HELZ: variants seen among roughly 807,000 people sequenced by gnomAD.
HELZ encodes ATP-dependent RNA helicase with zinc finger domain.
In HELZ, 23 loss-of-function variants were observed where a neutral mutation model predicts 218.2. The ratio of observed to expected loss-of-function variants is 0.11; its 90% CI spans 0.08 to 0.15. The LOEUF is 0.15. Among genes scored for constraint, HELZ ranks in the 10% least tolerant of loss-of-function variants. The pLI, the probability that HELZ is intolerant of heterozygous loss-of-function variation, is 1.00. For missense variants in HELZ, 1,813 were observed against 2,353.7 expected, an observed-to-expected ratio of 0.77 and a Z score of 4.75; for synonymous variants, 814 against 829.4, an observed-to-expected ratio of 0.98 and a Z score of 0.32.
intron 5 of HELZ, among the ~76,000 whole-genome samples, chr17:67,209,599 A>G (rs1478512585): frequency 6.6e-6 from 1 of 152,102 alleles, no homozygotes; most frequent in Non-Finnish European, 1.5e-5. Flanking sequence ...CTCTGTCTCA[A>G]AAACAAAACA....
chr17:67,189,513 CAG>C (rs1278712570), intron 11 of HELZ, 74 bp downstream of exon 11: 3 of 843,982 alleles, frequency 3.6e-6, no homozygotes, highest in Non-Finnish European at 4.1e-6. Flanking sequence ...TTCTTTAACA[CAG>C]AGATTCAAAG....
At chr17:67,233,058 T>C (rs1417048471) in intron 3 of HELZ, among the ~76,000 whole-genome samples, 3 of 152,164 alleles carry the variant, frequency 2.0e-5, no homozygotes, top group Admixed American at 6.5e-5. Context: ...TGCTCGAACC[T>C]GGGAGGCAGA....
intron 2 of HELZ, among the ~76,000 whole-genome samples, chr17:67,242,412 C>CA (rs57142727): frequency 0.24 from 22,181 of 92,408 alleles, 4,964 homozygotes; most frequent in East Asian, 0.61. Context: ...AACTCTGTCT[C>CA]AAAAAAAAAA....
At chr17:67,139,478 C>T (rs902045723) in intron 21 of HELZ, among the ~76,000 whole-genome samples, 29 of 152,150 alleles carry the variant, frequency 1.9e-4, no homozygotes, top group Admixed American at 2.6e-4. Flanking sequence ...CTCTAAGCAA[C>T]ACACAACCAT....
chr17:67,196,414 C>T (rs548169326), intron 7 of HELZ, among the ~76,000 whole-genome samples: 8 of 152,232 alleles, frequency 5.3e-5, no homozygotes, highest in South Asian at 2.1e-4. Flanking sequence ...ATTTTACATG[C>T]TAGATCGTTA....
At chr17:67,081,796 A>G (rs2036197278) in intron 32 of HELZ, among the ~76,000 whole-genome samples, 1 of 152,130 alleles carries the variant, frequency 6.6e-6, no homozygotes, top group Non-Finnish European at 1.5e-5. Context: ...CTGTATGTGT[A>G]TGTGGGGCGG....
At chr17:67,230,272 A>G (rs183932539) in intron 3 of HELZ, among the ~76,000 whole-genome samples, 1 of 152,290 alleles carries the variant, frequency 6.6e-6, no homozygotes, top group East Asian at 1.9e-4. Context: ...TATTAATTTA[A>G]AAGATATGAA....
rs1308988094 is a variant in HELZ, at chr17:67,076,181, G to C, written c.*2071C>G. ...CGTTGTAGTCCTGTATATGGGGGCT[G>C]GGGGGTGGATAATCACTGATGGGAA... On this transcript the variant is annotated 3_prime_UTR_variant, in exon 33 of 33. Coordinates refer to ENST00000358691, the MANE Select transcript of HELZ (RefSeq NM_014877.4). 2 of 152,238 alleles carry C rather than the reference G, an allele frequency of 1.3e-5. No individual in the cohort carries two copies. Among genetic ancestry groups the C allele is most frequent in the Non-Finnish European group, 2.9e-5 (2 of 68,058 alleles). 9.4% of individuals were successfully genotyped at this position (152,238 alleles called of 1,614,324 possible). A position where few individuals can be genotyped will look rare whatever the true frequency, so the allele number is the denominator to read the frequency against.
intron 20 of HELZ, among the ~76,000 whole-genome samples, chr17:67,147,888 T>C (rs1317820957): frequency 2.0e-5 from 3 of 152,258 alleles, no homozygotes; most frequent in Non-Finnish European, 2.9e-5. Context: ...GTGGAGGTTC[T>C]GGATGGTGGC....
At chr17:67,212,380 G>A (rs1162689420) in intron 5 of HELZ, among the ~76,000 whole-genome samples, 1 of 133,682 alleles carries the variant, frequency 7.5e-6, no homozygotes, top group Admixed American at 8.1e-5. Flanking sequence ...TCCACGGTCT[G>A]GAGTGCTTAA....
At chr17:67,200,828 C>T (rs767547878) in intron 7 of HELZ, 5 of 311,846 alleles carry the variant, frequency 1.6e-5, no homozygotes, top group African/African-American at 2.1e-5. Flanking sequence ...TAGTTAAAAA[C>T]TAAAATTTCC....
intron 27 of HELZ, among the ~76,000 whole-genome samples, chr17:67,115,991 T>A (rs7350887): frequency 0.59 from 90,303 of 151,952 alleles, 28,029 homozygotes; most frequent in East Asian, 0.88. Context: ...GATTTGTAAC[T>A]TATGTAAAAG....
intron 7 of HELZ, among the ~76,000 whole-genome samples, chr17:67,195,939 C>A (rs1212828334): frequency 6.7e-6 from 1 of 150,316 alleles, no homozygotes; most frequent in African/African-American, 2.5e-5. Flanking sequence ...GCAACCTCCA[C>A]CCCCCGGGTT....
chr17:67,121,886 G>A (rs2037621020), intron 26 of HELZ, among the ~76,000 whole-genome samples: 1 of 152,146 alleles, frequency 6.6e-6, no homozygotes, highest in Non-Finnish European at 1.5e-5. Flanking sequence ...CCAAGCCTGT[G>A]TCCTGTATTT....
chr17:67,163,118 A>G (rs964911794), intron 15 of HELZ, among the ~76,000 whole-genome samples: 5 of 152,240 alleles, frequency 3.3e-5, no homozygotes, highest in Non-Finnish European at 5.9e-5. Flanking sequence ...AGATCAAGTG[A>G]GATAATACAT....
chr17:67,099,352 T>C (rs1274509222), intron 31 of HELZ, among the ~76,000 whole-genome samples: 1 of 151,672 alleles, frequency 6.6e-6, no homozygotes, highest in Non-Finnish European at 1.5e-5. Context: ...ATTAATGTTG[T>C]TTAAAGGCTC....
intron 26 of HELZ, among the ~76,000 whole-genome samples, chr17:67,122,683 A>T (rs754643047): frequency 6.6e-6 from 1 of 152,100 alleles, no homozygotes; most frequent in African/African-American, 2.4e-5. Context: ...ACTCCAGCCT[A>T]GGCAACAAGA....
chr17:67,225,042 G>A, intron 3 of HELZ: 1 of 634,338 alleles, frequency 1.6e-6, no homozygotes, highest in South Asian at 1.5e-5. Flanking sequence ...CCAGTTCTAT[G>A]TGTCATCTTT....
At chr17:67,210,390 C>T (rs901478491) in intron 5 of HELZ, among the ~76,000 whole-genome samples, 6 of 152,166 alleles carry the variant, frequency 3.9e-5, no homozygotes, top group African/African-American at 1.2e-4. Context: ...CTTCACAGGC[C>T]AAGTCTCACA....
Sources: allele counts gnomAD v4.1 joint callset (sites outside exome capture counted in the v4.1 genomes callset), GRCh38; gene constraint gnomAD v4.1.1; transcripts MANE v1.5; gene names NCBI Gene and HGNC (gene_info 2026-07-23, HGNC 2026-07-21).